Variants in SLC26A1 observed in about 807,000 individuals in gnomAD.
SLC26A1 encodes the protein sulfate anion transporter 1.
Under a neutral mutation model 14.5 loss-of-function variants are expected in SLC26A1, and 18 were observed. The ratio of observed to expected loss-of-function variants is 1.24; its 90% CI spans 0.86 to 1.84. SLC26A1 has a LOEUF of 1.84. Among genes scored for constraint, SLC26A1 ranks in the 40% most tolerant of loss-of-function variants. The pLI, the probability that SLC26A1 is intolerant of heterozygous loss-of-function variation, is 0.00. For missense variants in SLC26A1, 1,049 were observed against 1,020.0 expected (o/e 1.03, Z -0.39); for synonymous variants, 505 against 492.0 (o/e 1.03, Z -0.35).
rs758369801 is a variant in SLC26A1, at chr4:989,305, G to A, written c.1634C>T (p.Pro545Leu). 7 of 1,612,052 alleles carry A rather than the reference G, an allele frequency of 4.3e-6. No individual in the cohort carries two copies. Among genetic ancestry groups the A allele is most frequent in the African/African-American group, 2.7e-5 (2 of 74,904 alleles). The change falls in exon 3 of 3, where the codon CCG (proline) becomes CTG (leucine). Residue 545 changes from proline (P) to leucine (L), a missense_variant. Transcript: ENST00000398516. ...PGVRVFRFGG[P>L]LYYANKDFFL... ...GAAGTCCTTGTTGGCATAGTACAGC[G>A]GCCCCCCAAAGCGGAACACCCGCAC...
intron 1 of SLC26A1, 62 bp from the exon 2 acceptor site, chr4:991,792 C>T (rs1365714012): frequency 6.5e-7 from 1 of 1,530,848 alleles, no homozygotes; most frequent in Non-Finnish European, 8.7e-7. Flanking sequence ...ACGACAAGGT[C>T]CCCGGCAGCA....
chr4:982,309 C>A (rs1036927812), intron 2 of SLC26A1, among the ~76,000 whole-genome samples: 3 of 152,158 alleles, frequency 2.0e-5, no homozygotes, highest in African/African-American at 7.2e-5. Flanking sequence ...GGCAAAGCTG[C>A]CCCTTGCTGT....
Position 989,342 on chromosome 4 carries a change from G to T in SLC26A1, c.1597C>A (p.Pro533Thr), listed in dbSNP as rs143915071. 9.3e-5 allele frequency: 149 copies of T among 1,603,950 alleles called. No individual in the cohort carries two copies. The highest frequency in any genetic ancestry group is 8.3e-4 in the Middle Eastern group (5 of 6,048). Residue 533 changes from proline (P) to threonine (T), a missense_variant, in exon 3 of 3, where the codon CCT (proline) becomes ACT (threonine). Pro to Thr is a conservative substitution (Grantham distance 38). Coordinates refer to ENST00000398516, the MANE Select transcript of SLC26A1 (RefSeq NM_022042.4). ...CGGAACACCCGCACGCCGGGCTCAG[G>T]GACGAGGCCCTCGAACTCTGTGGCA... is the stretch of plus-strand genomic sequence containing the variant. Reference protein sequence around the residue: ...EDATEFEGLVPEPGVRVFRFG... With the variant: ...EDATEFEGLVTEPGVRVFRFG...
intron 1 of SLC26A1, chr4:992,979 G>A (rs960580754): frequency 1.3e-5 from 2 of 152,248 alleles, no homozygotes; most frequent in Non-Finnish European, 2.9e-5. Context: ...CGGGTGTGTT[G>A]GGGCAGTGAG....
In SLC26A1 at chr4:989,796, G is replaced by A; in HGVS notation, c.1143C>T (p.Gly381=). Residue 381 remains glycine, a synonymous_variant, in exon 3 of 3, where the codon GGC becomes GGT. Transcript: ENST00000398516. ...GGAAGGCGGGTAGCACGTTGCAGCA[G>A]CCCACAGCCAGCAGCTCCTGGTTGG... The part of the protein sequence containing the change: ...VRANQELLAV[G]CCNVLPAFLH... 6.4e-7 allele frequency: 1 copy of A among 1,571,990 alleles called. No homozygotes were observed. The highest frequency in any genetic ancestry group is 2.3e-5 in the East Asian group (1 of 42,674).
At position 991,815 on chromosome 4, in the gene SLC26A1, G is replaced by A. The variant is rs139770304; in HGVS notation, c.-27-85C>T. 4.9e-3 allele frequency: 7,520 copies of A among 1,533,502 alleles called. 22 individuals carry two copies. The highest frequency in any genetic ancestry group is 5.8e-3 in the Non-Finnish European group (6,697 of 1,145,754). The allele number at this position is 1,533,502 out of a possible 1,614,324, so 95.0% of individuals were successfully genotyped here. A position where few individuals can be genotyped will look rare whatever the true frequency, so the allele number is the denominator to read the frequency against. ...GTCCCCGGCAGCAACGGGCCCCTTGGGGCGGACCCCTCGCCCACCCAGGGC... is the reference window on the plus strand; with the variant it reads ...GTCCCCGGCAGCAACGGGCCCCTTGAGGCGGACCCCTCGCCCACCCAGGGC... On this transcript the variant is annotated intron_variant, in intron 1 of 2. Transcript: ENST00000398516.
At chr4:983,717 A>G (rs1367411458), downstream of SLC26A1, among the ~76,000 whole-genome samples, 3 of 152,260 alleles carry the variant, frequency 2.0e-5, no homozygotes, top group African/African-American at 7.2e-5. Flanking sequence ...GTGAAACTTC[A>G]GAAAGGCAGG....
At position 989,982 on chromosome 4, in the gene SLC26A1, C is replaced by A. The variant is rs1393281106; in HGVS notation, c.957G>T (p.Val319=). The A allele has an allele frequency of 6.4e-7, 1 of 1,559,252 alleles. No individual in the cohort carries two copies. The highest frequency in any genetic ancestry group is 8.7e-7 in the Non-Finnish European group (1 of 1,153,522). ...GQLHKRFGSS[V]AGDIPTGFMP... Reference sequence around the variant, plus strand: ...TGAAACCCGTGGGGATGTCGCCAGCCACGCTCGAGCCAAAGCGCTTGTGGA... The same window carrying A: ...TGAAACCCGTGGGGATGTCGCCAGCAACGCTCGAGCCAAAGCGCTTGTGGA... Residue 319 remains valine, a synonymous_variant, in exon 3 of 3, where the codon GTG becomes GTT. Coordinates refer to ENST00000398516, the MANE Select transcript of SLC26A1 (RefSeq NM_022042.4).
chr4:987,756 C>T lies in SLC26A1; in HGVS notation c.*1077G>A, dbSNP rs917606210. 3.7e-6 allele frequency: 6 copies of T among 1,608,738 alleles called. No individual in the cohort carries two copies. In the African/African-American group the frequency reaches 4.0e-5, roughly 11 times the overall value. ...TGGGCTTGAACGTGTGTGTCAGCCG[C>T]GCTGCCAGCCATGCTGAGGCTCGGG... is the stretch of plus-strand genomic sequence containing the variant. On this transcript the variant is annotated 3_prime_UTR_variant, in exon 3 of 3. Transcript: ENST00000398516.
downstream of SLC26A1, chr4:987,083 C>T (rs1472246458): frequency 1.3e-6 from 2 of 1,484,102 alleles, no homozygotes; most frequent in African/African-American, 2.9e-5. Flanking sequence ...GCACGCGTGG[C>T]CATGCGTCCC....
At chr4:979,354 G>A in exon 3 of SLC26A1, 4 of 1,037,010 alleles carry the variant, frequency 3.9e-6, no homozygotes, top group Non-Finnish European at 1.5e-6. Context: ...CGTGAGGCTG[G>A]TGTGAGGGTC....
At chr4:991,901 A>T in intron 1 of SLC26A1, 171 bp from the exon 2 acceptor site, 1 of 1,184,888 alleles carries the variant, frequency 8.4e-7, no homozygotes, top group Non-Finnish European at 1.2e-6. Flanking sequence ...CCCGGTATGG[A>T]TGGACGCTGG....
At chr4:982,510 C>T (rs988651850) in intron 2 of SLC26A1, among the ~76,000 whole-genome samples, 5 of 152,212 alleles carry the variant, frequency 3.3e-5, no homozygotes, top group Non-Finnish European at 2.9e-5. Flanking sequence ...GCCCGGTGGA[C>T]GGCTGCTGCT....
chr4:987,070 C>CGAG, downstream of SLC26A1: 1 of 1,505,790 alleles, frequency 6.6e-7, no homozygotes, highest in Non-Finnish European at 8.8e-7. Flanking sequence ...CCGCAGTCCC[C>CGAG]GAGCACGCGT....
chr4:984,770 A>C (rs575046473), downstream of SLC26A1, among the ~76,000 whole-genome samples: 4 of 152,206 alleles, frequency 2.6e-5, no homozygotes, highest in Non-Finnish European at 4.4e-5. Flanking sequence ...GCACCACTGC[A>C]CTCCAGCCTG....
At chr4:987,175 C>T (rs1257215898), downstream of SLC26A1, 12 of 1,456,806 alleles carry the variant, frequency 8.2e-6, no homozygotes, top group Non-Finnish European at 1.1e-5. Context: ...GGCCCCGCAC[C>T]TGGTGCATGT....
Position 989,946 on chromosome 4 carries a change from C to G in SLC26A1, c.993G>C (p.Gln331His). 1 of 1,556,184 alleles carries G rather than the reference C, an allele frequency of 6.4e-7. No homozygotes were observed. The highest frequency in any genetic ancestry group is 8.7e-7 in the Non-Finnish European group (1 of 1,151,344). ...GDIPTGFMPP[Q>H]VPEPRLMQRV... Reference sequence around the variant, plus strand: ...GCTGCATCAGCCTGGGCTCTGGGACCTGAGGGGGCATGAAACCCGTGGGGA... The same window carrying G: ...GCTGCATCAGCCTGGGCTCTGGGACGTGAGGGGGCATGAAACCCGTGGGGA... Residue 331 changes from glutamine to histidine, a missense_variant, in exon 3 of 3, where the codon CAG (glutamine) becomes CAC (histidine). Coordinates refer to ENST00000398516, the MANE Select transcript of SLC26A1 (RefSeq NM_022042.4).
At position 987,898 on chromosome 4, in the gene SLC26A1, G is replaced by A. The variant is rs141461803; in HGVS notation, c.*935C>T. 1.2e-5 allele frequency: 20 copies of A among 1,608,410 alleles called. No individual in the cohort carries two copies. Among genetic ancestry groups the A allele is most frequent in the East Asian group, 9.0e-5 (4 of 44,644 alleles). On this transcript the variant is annotated 3_prime_UTR_variant, in exon 3 of 3. Coordinates refer to ENST00000398516, the MANE Select transcript of SLC26A1 (RefSeq NM_022042.4). ...GCCTATGTGGGCGCCGTCCCTCACC[G>A]CGGCATCAAGCAGGTCCGGACCCAC...
At chr4:990,703 G>A (rs1714221235) in intron 2 of SLC26A1, 1 of 421,074 alleles carries the variant, frequency 2.4e-6, no homozygotes, top group Non-Finnish European at 4.3e-6. Flanking sequence ...CCTACACATG[G>A]TGCCCACTGC....
Sources: allele counts gnomAD v4.1 joint callset (sites outside exome capture counted in the v4.1 genomes callset), GRCh38; gene constraint gnomAD v4.1.1; transcripts MANE v1.5; gene names NCBI Gene and HGNC (gene_info 2026-07-23, HGNC 2026-07-21).